Variants in MAP3K3 observed in about 807,000 individuals in gnomAD.
MAP3K3 encodes MAP/ERK kinase kinase 3.
A neutral mutation model predicts 80.9 loss-of-function variants in MAP3K3; 12 were observed. That is an observed-to-expected ratio of 0.15 (90% CI 0.10 to 0.24). The LOEUF is 0.24. MAP3K3 is among the 10% of genes least tolerant of loss of function. The pLI is 1.00. For missense variants in MAP3K3, 596 were observed against 834.7 expected (o/e 0.71, Z 3.52); for synonymous variants, 272 against 307.1 (o/e 0.89, Z 1.19).
In MAP3K3 at chr17:63,691,340, G is replaced by A. The variant is rs1180826054; in HGVS notation, c.1344+107G>A. 19 of 1,487,558 alleles carry A rather than the reference G, an allele frequency of 1.3e-5. No homozygotes were observed. Among genetic ancestry groups the A allele is most frequent in the Non-Finnish European group, 1.8e-5 (19 of 1,083,424 alleles). 92.1% of individuals were successfully genotyped at this position (1,487,558 alleles called of 1,614,324 possible). On this transcript the variant is annotated intron_variant, in intron 13 of 15. Transcript: ENST00000361733. The surrounding 1 kb of genome is among the most constrained non-coding windows in gnomAD (Gnocchi z 4.8). ...CTTGGATAGGAGTTTGAACACCTGA[G>A]GCTCCAGAGGCCCAGAGGAGCAAAG... is the stretch of plus-strand genomic sequence containing the variant.
At chr17:63,626,260 T>TA (rs1395810398) in intron 1 of MAP3K3, among the ~76,000 whole-genome samples, 1 of 152,202 alleles carries the variant, frequency 6.6e-6, no homozygotes, top group Non-Finnish European at 1.5e-5. Flanking sequence ...GGCATAGTAT[T>TA]AAGCCCTGTG....
chr17:63,640,203 C>T (rs1401425251), intron 2 of MAP3K3, among the ~76,000 whole-genome samples: 1 of 152,132 alleles, frequency 6.6e-6, no homozygotes, highest in African/African-American at 2.4e-5. Context: ...TCACTTGAAC[C>T]CAGGAGCTCA....
At position 63,681,762 on chromosome 17, in the gene MAP3K3, C is replaced by G. The variant is rs757944773; in HGVS notation, c.503-4C>G. 1.0e-5 allele frequency: 15 copies of G among 1,481,720 alleles called. No homozygotes were observed. The highest frequency in any genetic ancestry group is 2.5e-5 in the East Asian group (1 of 39,748). The allele number at this position is 1,481,720 out of a possible 1,614,324, so 91.8% of individuals were successfully genotyped here. On this transcript the variant is annotated splice_region_variant and splice_polypyrimidine_tract_variant and intron_variant, in intron 6 of 15. Coordinates refer to ENST00000361733, the MANE Select transcript of MAP3K3 (RefSeq NM_002401.5). ...TTGTTGAAAGCCTCCTTTATGTGCT[C>G]TAGGCTCCCAGAACCCTGGCCGAAG...
chr17:63,689,610 G>A lies in MAP3K3; in HGVS notation c.938G>A (p.Arg313His), dbSNP rs994733913. ...GNLFTLVPSS[R>H]SLSTNGENMG... ...TTGTTCACCCTGGTGCCCTCCAGCC[G>A]CTCCCTGAGCACAAATGGCGAGAAC... Residue 313 changes from arginine (R) to histidine (H), a missense_variant, in exon 11 of 16, where the codon CGC (arginine) becomes CAC (histidine). By Grantham distance (29) the Arg-to-His change is conservative (BLOSUM62 0). Around this residue, in one of 2 missense-constraint regions of MAP3K3, gnomAD observed 364 missense variants for 588.9 expected, o/e 0.62. Transcript: ENST00000361733. This position sits in a 1 kb window ranked among gnomAD's most constrained non-coding sequence, Gnocchi z 4.3. 26 of 1,613,820 alleles carry A rather than the reference G, an allele frequency of 1.6e-5. No homozygotes were observed. The highest frequency in any genetic ancestry group is 1.9e-5 in the Non-Finnish European group (23 of 1,179,906).
Position 63,623,143 on chromosome 17 carries a change from C to T in MAP3K3, c.4+380C>T, listed in dbSNP as rs2034027837. 2.0e-5 allele frequency among the ~76,000 whole-genome samples: 3 copies of T among 152,116 alleles called. No homozygotes were observed. In the South Asian group the frequency reaches 6.2e-4, roughly 31 times the overall value. ...AGTGTGGGGCCCGGGCTGGAGGCTG[C>T]CGCAGGCCCAGCTGCTGTTGTGTCT... On this transcript the variant is annotated intron_variant, in intron 1 of 15. Coordinates refer to ENST00000361733, the MANE Select transcript of MAP3K3 (RefSeq NM_002401.5).
Position 63,652,672 on chromosome 17 carries a change from G to C in MAP3K3, c.267+16G>C. 1 of 1,555,966 alleles carries C rather than the reference G, an allele frequency of 6.4e-7. No individual in the cohort carries two copies. The highest frequency in any genetic ancestry group is 8.9e-7 in the Non-Finnish European group (1 of 1,127,144). On this transcript the variant is annotated intron_variant, in intron 4 of 15. Coordinates refer to ENST00000361733, the MANE Select transcript of MAP3K3 (RefSeq NM_002401.5). ...GAACAATGAGGTGAGAAGGCAGATG[G>C]ATGGGGCAGGGACAAGAGGGGCAGA...
intron 2 of MAP3K3, among the ~76,000 whole-genome samples, chr17:63,639,030 A>G (rs2034390115): frequency 6.6e-6 from 1 of 152,212 alleles, no homozygotes; most frequent in African/African-American, 2.4e-5. Context: ...CAGAAAAAAA[A>G]GAAAAAAGAA....
chr17:63,634,275 A>G (rs865917869), intron 2 of MAP3K3, among the ~76,000 whole-genome samples: 2 of 152,012 alleles, frequency 1.3e-5, no homozygotes, highest in South Asian at 4.1e-4. Flanking sequence ...CTGTCTTCCT[A>G]TGTAGTGTGT....
At chr17:63,666,704 C>G (rs1175321430) in intron 5 of MAP3K3, among the ~76,000 whole-genome samples, 2 of 152,180 alleles carry the variant, frequency 1.3e-5, no homozygotes, top group Non-Finnish European at 2.9e-5. Context: ...ACCTGTTAAA[C>G]TGGGGCACTA....
At chr17:63,636,896 A>T (rs1203079130) in intron 2 of MAP3K3, 2 of 472,934 alleles carry the variant, frequency 4.2e-6, no homozygotes, top group Non-Finnish European at 8.0e-6. Context: ...AATGAGACCA[A>T]TATAGCCCAA....
At chr17:63,664,186 G>T (rs906344595) in intron 5 of MAP3K3, among the ~76,000 whole-genome samples, 1 of 142,376 alleles carries the variant, frequency 7.0e-6, no homozygotes, top group Non-Finnish European at 1.5e-5. Flanking sequence ...GGCGGAGCTT[G>T]CAGTGAGCCG....
At chr17:63,655,728 A>C (rs1482182618) in intron 4 of MAP3K3, among the ~76,000 whole-genome samples, 1 of 152,058 alleles carries the variant, frequency 6.6e-6, no homozygotes, top group East Asian at 1.9e-4. Flanking sequence ...TCCTGGCCTC[A>C]AGTGAGCCTC....
chr17:63,634,608 A>G (rs1598063324), intron 2 of MAP3K3: 5 of 948,558 alleles, frequency 5.3e-6, no homozygotes, highest in Middle Eastern at 4.3e-4. Flanking sequence ...AATCTTAACA[A>G]GAGGTACTAG....
At position 63,688,867 on chromosome 17, in the gene MAP3K3, A is replaced by G. The variant is rs1011855480; in HGVS notation, c.857A>G (p.Lys286Arg). The change falls in exon 10 of 16, where the codon AAG becomes AGG. Residue 286 changes from lysine (K) to arginine (R), a missense_variant. This residue lies in a region of MAP3K3 where 364 missense variants were observed against 588.9 expected (regional missense o/e 0.62). Transcript: ENST00000361733. ...PRRYHVSVHHKDYSDGRRTFP... is the reference protein window; with the variant it reads ...PRRYHVSVHHRDYSDGRRTFP... ...CGCTACCACGTGTCTGTGCACCACA[A>G]GGACTACAGTGATGGTGAGTTCTTC... 1.9e-6 allele frequency: 3 copies of G among 1,613,570 alleles called. No individual in the cohort carries two copies. The highest frequency in any genetic ancestry group is 2.2e-5 in the East Asian group (1 of 44,896).
chr17:63,691,990 G>A lies in MAP3K3; in HGVS notation c.1474+128G>A. The A allele has an allele frequency of 8.9e-7, 1 of 1,125,612 alleles. No individual in the cohort carries two copies. Among genetic ancestry groups the A allele is most frequent in the Non-Finnish European group, 1.3e-6 (1 of 781,408 alleles). 69.7% of individuals were successfully genotyped at this position (1,125,612 alleles called of 1,614,324 possible). ...AGTGGGACCCCAGTTGTTTCCCTGA[G>A]GAACTGGTGAGATTGGTTGAGCAAT... On this transcript the variant is annotated intron_variant, in intron 14 of 15. Transcript: ENST00000361733. The surrounding 1 kb of genome is among the most constrained non-coding windows in gnomAD (Gnocchi z 4.8).
intron 3 of MAP3K3, among the ~76,000 whole-genome samples, chr17:63,651,730 C>G (rs1253435456): frequency 6.6e-6 from 1 of 152,280 alleles, no homozygotes; most frequent in East Asian, 1.9e-4. Context: ...TTGAACTGAC[C>G]TAATGAGTCT....
chr17:63,647,381 C>G (rs1205010059), intron 3 of MAP3K3, among the ~76,000 whole-genome samples: 2 of 152,194 alleles, frequency 1.3e-5, no homozygotes, highest in Non-Finnish European at 2.9e-5. Context: ...AAAGGGATGG[C>G]CAAACTCAGA....
chr17:63,671,794 T>C (rs998436605), intron 6 of MAP3K3, among the ~76,000 whole-genome samples: 2 of 152,228 alleles, frequency 1.3e-5, no homozygotes, highest in East Asian at 1.9e-4. Context: ...TCAGTTGATA[T>C]ATCCTACATA....
At chr17:63,680,599 C>T (rs904242813) in intron 6 of MAP3K3, among the ~76,000 whole-genome samples, 1 of 152,086 alleles carries the variant, frequency 6.6e-6, no homozygotes, top group African/African-American at 2.4e-5. Flanking sequence ...CCTGATTTCT[C>T]GGACTCAAAA....
Sources: allele counts gnomAD v4.1 joint callset (sites outside exome capture counted in the v4.1 genomes callset), GRCh38; gene constraint gnomAD v4.1.1; regional missense constraint gnomAD v4.1.1; non-coding constraint Gnocchi (gnomAD v3.1); transcripts MANE v1.5; gene names NCBI Gene and HGNC (gene_info 2026-07-23, HGNC 2026-07-21).